SGSM1: variants seen among roughly 807,000 people sequenced by gnomAD.
The protein encoded by SGSM1 is small G protein signaling modulator 1.
SGSM1 carries 73 observed loss-of-function variants against 133.8 expected under a neutral mutation model. That is an observed-to-expected ratio of 0.55 (90% confidence interval 0.45 to 0.66). The LOEUF is 0.66. Ranked by LOEUF, SGSM1 falls within the 30% of genes least tolerant of loss-of-function variation. The pLI is 0.00. For missense variants in SGSM1, 1,213 were observed against 1,448.1 expected, an observed-to-expected ratio of 0.84 and a Z score of 2.64; for synonymous variants, 563 against 573.0, an observed-to-expected ratio of 0.98 and a Z score of 0.25.
chr22:24,919,722 A>C, intron 23 of SGSM1, 104 bp from the exon 24 acceptor site: 1 of 1,403,992 alleles, frequency 7.1e-7, no homozygotes, highest in Non-Finnish European at 9.8e-7. Flanking sequence ...GGCATAAGGC[A>C]AAACTTGCCC....
Position 24,820,200 on chromosome 22 carries a change from A to T in SGSM1, c.63+13716A>T, listed in dbSNP as rs955742751. 2.6e-5 allele frequency among the ~76,000 whole-genome samples: 4 copies of T among 152,246 alleles called. No individual in the cohort carries two copies. The East Asian group carries it at 7.7e-4, about 29-fold the overall frequency. ...GGGCGTGGCAGCCTGAAGGACCTTT[A>T]TACAAGAATGTCCCCGAGAGAATGC... is the stretch of plus-strand genomic sequence containing the variant. On this transcript the variant is annotated intron_variant, in intron 2 of 24. Coordinates refer to ENST00000400358, the MANE Select transcript of SGSM1 (RefSeq NM_001098497.3).
intron 4 of SGSM1, among the ~76,000 whole-genome samples, chr22:24,848,218 C>G (rs1930265542): frequency 6.6e-6 from 1 of 151,536 alleles, no homozygotes; most frequent in African/African-American, 2.4e-5. Flanking sequence ...CATTATGTCT[C>G]AAGCATCCGG....
chr22:24,907,058 G>A (rs562782988), intron 21 of SGSM1, among the ~76,000 whole-genome samples: 4 of 151,882 alleles, frequency 2.6e-5, no homozygotes, highest in African/African-American at 4.8e-5. Flanking sequence ...TCAGGAGTCC[G>A]AGACCAGCCT....
chr22:24,854,509 C>G (rs576522195), intron 5 of SGSM1, among the ~76,000 whole-genome samples: 1 of 152,282 alleles, frequency 6.6e-6, no homozygotes, highest in African/African-American at 2.4e-5. Flanking sequence ...TTTTGGTTCT[C>G]TCAAAAGTCC....
At chr22:24,819,158 A>C (rs1049096927) in intron 2 of SGSM1, among the ~76,000 whole-genome samples, 5 of 151,604 alleles carry the variant, frequency 3.3e-5, no homozygotes, top group African/African-American at 1.2e-4. Context: ...AAAAAAAAAA[A>C]CAATAATCAC....
intron 5 of SGSM1, among the ~76,000 whole-genome samples, chr22:24,854,525 G>A (rs1930658707): frequency 6.6e-6 from 1 of 152,202 alleles, no homozygotes; most frequent in African/African-American, 2.4e-5. Context: ...AGTCCTTCCA[G>A]CAGGCTGGGC....
chr22:24,878,150 G>A (rs1932127228), intron 13 of SGSM1, among the ~76,000 whole-genome samples: 1 of 152,162 alleles, frequency 6.6e-6, no homozygotes, highest in Admixed American at 6.5e-5. Flanking sequence ...ACCTGGGCTA[G>A]GTGGCAAAAC....
intron 2 of SGSM1, among the ~76,000 whole-genome samples, chr22:24,817,906 G>A (rs1928203985): frequency 6.6e-6 from 1 of 152,158 alleles, no homozygotes; most frequent in Admixed American, 6.5e-5. Flanking sequence ...GGCAGAAAGG[G>A]GGTGAGAGGT....
At chr22:24,903,286 G>A (rs1446696626) in intron 20 of SGSM1, among the ~76,000 whole-genome samples, 2 of 151,226 alleles carry the variant, frequency 1.3e-5, no homozygotes, top group East Asian at 3.9e-4. Context: ...TCGGCTCACT[G>A]CAATCTCCGC....
In SGSM1 at chr22:24,847,722, A is replaced by G. The variant is rs1393123527; in HGVS notation, c.228A>G (p.Lys76=). Residue 76 remains lysine, a synonymous_variant, in exon 4 of 25, where the codon AAA becomes AAG. Transcript: ENST00000400358. ...ATAAGATTGCAGCCCTCTTTATGAAAGTGGGCAAGAACTTCCCGCCGGCTG... is the reference window on the plus strand; with the variant it reads ...ATAAGATTGCAGCCCTCTTTATGAAGGTGGGCAAGAACTTCCCGCCGGCTG... ...RSNKIAALFM[K]VGKNFPPAED... 2 of 1,613,818 alleles carry G rather than the reference A, an allele frequency of 1.2e-6. No individual in the cohort carries two copies. Among genetic ancestry groups the G allele is most frequent in the African/African-American group, 1.3e-5 (1 of 74,918 alleles).
In SGSM1 at chr22:24,847,763, A is replaced by G; in HGVS notation, c.269A>G (p.Lys90Arg). The G allele has an allele frequency of 6.2e-7, 1 of 1,613,970 alleles. No homozygotes were observed. The highest frequency in any genetic ancestry group is 1.1e-5 in the South Asian group (1 of 91,050). ...CCGCCGGCTGAGGATCTGAGCCGCA[A>G]GGTGCAAGACCTGGAGCAGCTGATC... is the stretch of plus-strand genomic sequence containing the variant. ...NFPPAEDLSR[K>R]VQDLEQLIES... The change falls in exon 4 of 25, where the codon AAG (lysine) becomes AGG (arginine). Residue 90 changes from lysine to arginine, a missense_variant. Transcript: ENST00000400358.
At chr22:24,815,107 A>G (rs370223911) in intron 2 of SGSM1, among the ~76,000 whole-genome samples, 318 of 152,338 alleles carry the variant, frequency 2.1e-3, no homozygotes, top group Admixed American at 4.4e-3. Flanking sequence ...ATAGATTTCT[A>G]TGTTTTTTCT....
Position 24,881,596 on chromosome 22 carries a change from AAAAC to A in SGSM1, c.1495+2071_1495+2074del, listed in dbSNP as rs754165510. ...CAAAACAAAACAAAACAAAACAAAA[AAAAC>A]CAGCAACAACAACAAAAATAGTTAT... is the stretch of plus-strand genomic sequence containing the variant. On this transcript the variant is annotated intron_variant, in intron 14 of 24. Transcript: ENST00000400358. 4.7e-3 allele frequency among the ~76,000 whole-genome samples: 701 copies of A among 149,828 alleles called. 5 individuals are homozygous for A. The highest frequency in any genetic ancestry group is 7.3e-3 in the Non-Finnish European group (486 of 66,974).
intron 15 of SGSM1, among the ~76,000 whole-genome samples, chr22:24,884,602 G>A (rs1569162495): frequency 6.6e-6 from 1 of 152,144 alleles, no homozygotes; most frequent in Non-Finnish European, 1.5e-5. Flanking sequence ...ACTAAAAATA[G>A]AAAAATTAGC....
In SGSM1 at chr22:24,919,939, G is replaced by A. The variant is rs762137385; in HGVS notation, c.3139G>A (p.Asp1047Asn). The A allele has an allele frequency of 1.7e-5, 28 of 1,613,562 alleles. No homozygotes were observed. Among genetic ancestry groups the A allele is most frequent in the East Asian group, 2.2e-5 (1 of 44,888 alleles). ...IALALVEVYR[D>N]IILENNMDFT... ...GCTGGCTCTGGTGGAAGTCTACCGT[G>A]ACATCATTTTGGAGAACAACATGGA... Residue 1047 changes from aspartate to asparagine, a missense_variant, in exon 24 of 25, where the codon GAC (aspartate) becomes AAC (asparagine). Transcript: ENST00000400358.
Position 24,855,313 on chromosome 22 carries a change from G to C in SGSM1, c.552G>C (p.Lys184Asn), listed in dbSNP as rs1457177555. 6.2e-7 allele frequency: 1 copy of C among 1,612,476 alleles called. No homozygotes were observed. Among genetic ancestry groups the C allele is most frequent in the East Asian group, 2.2e-5 (1 of 44,798 alleles). ...LVGPCALEYTKMKTADHFWTD... is the reference protein window; with the variant it reads ...LVGPCALEYTNMKTADHFWTD... ...GGCCCTGTGCCCTAGAGTACACCAA[G>C]ATGAAGACTGCAGATCACTTCTGGA... is the stretch of plus-strand genomic sequence containing the variant. Residue 184 changes from lysine to asparagine, a missense_variant, in exon 7 of 25, where the codon AAG (lysine) becomes AAC (asparagine). By Grantham distance (94) the Lys-to-Asn change is moderately conservative. Transcript: ENST00000400358.
At chr22:24,893,764 G>A (rs1430991933) in intron 17 of SGSM1, among the ~76,000 whole-genome samples, 151 bp downstream of exon 17, 1 of 152,076 alleles carries the variant, frequency 6.6e-6, no homozygotes, top group Non-Finnish European at 1.5e-5. Context: ...CGGTGACTTT[G>A]GAATCAGACC....
intron 21 of SGSM1, among the ~76,000 whole-genome samples, chr22:24,907,534 TTTTTTTGG>T (rs908851393): frequency 1.4e-4 from 21 of 151,870 alleles, no homozygotes; most frequent in African/African-American, 5.1e-4. Flanking sequence ...TTGTTGTTGT[TTTTTTTGG>T]TTTTTTGGTT....
chr22:24,840,581 A>C (rs1419212018), intron 2 of SGSM1, among the ~76,000 whole-genome samples: 1 of 148,134 alleles, frequency 6.8e-6, no homozygotes, highest in Non-Finnish European at 1.5e-5. Context: ...GACCTCAGGT[A>C]ATCCGCCCGC....
Sources: gnomAD v4.1 joint callset for allele counts (sites outside exome capture counted in the v4.1 genomes callset) on GRCh38, gnomAD v4.1.1 for gene constraint, MANE v1.5 for transcripts, NCBI Gene and HGNC (gene_info 2026-07-23, HGNC 2026-07-21) for gene names.